The following RFFL variants were observed in gnomAD, a reference collection of about 807,000 sequenced individuals.
RFFL encodes the protein E3 ubiquitin-protein ligase rififylin.
RFFL carries 16 observed loss-of-function variants against 40.4 expected under a neutral mutation model. The ratio of observed to expected loss-of-function variants is 0.40; its 90% CI spans 0.27 to 0.60. The LOEUF (loss-of-function observed/expected upper bound fraction) is 0.60, where lower values mean the gene tolerates loss of function less well. RFFL is among the 20% of genes least tolerant of loss of function. The pLI is 0.47. For synonymous variants in RFFL, 154 were observed against 167.9 expected (o/e 0.92, Z 0.64); for missense variants, 367 against 451.7 (o/e 0.81, Z 1.70).
intron 1 of RFFL, among the ~76,000 whole-genome samples, chr17:35,045,857 G>A (rs2091196711): frequency 6.6e-6 from 1 of 151,760 alleles, no homozygotes; most frequent in Admixed American, 6.6e-5. Flanking sequence ...AACCCCATCT[G>A]TACTACAAAT....
At chr17:35,079,893 T>C (rs2091395832) in intron 1 of RFFL, among the ~76,000 whole-genome samples, 1 of 152,194 alleles carries the variant, frequency 6.6e-6, no homozygotes, top group Admixed American at 6.5e-5. Context: ...AACTCTTCCA[T>C]CAGTATATGA....
chr17:35,049,224 G>A (rs2091217956), intron 1 of RFFL, among the ~76,000 whole-genome samples: 1 of 152,070 alleles, frequency 6.6e-6, no homozygotes. Flanking sequence ...GAGATATGCT[G>A]CTACTTTACC....
intron 5 of RFFL, 76 bp downstream of exon 5, chr17:35,016,294 G>C (rs926746941): frequency 7.5e-7 from 1 of 1,326,868 alleles, no homozygotes; most frequent in African/African-American, 1.4e-5. Flanking sequence ...ATTGAGTCAG[G>C]TCAATACCAT....
intron 1 of RFFL, among the ~76,000 whole-genome samples, chr17:35,047,474 G>A (rs1034110144): frequency 1.3e-5 from 2 of 152,178 alleles, no homozygotes; most frequent in African/African-American, 4.8e-5. Context: ...AGCAAATAAT[G>A]GATGTTCAAC....
chr17:35,069,152 G>A (rs2091334516), intron 1 of RFFL: 2 of 420,300 alleles, frequency 4.8e-6, no homozygotes, highest in Admixed American at 5.2e-5. Flanking sequence ...CTTCTTTTCT[G>A]TATACCTCTG....
intron 1 of RFFL, among the ~76,000 whole-genome samples, chr17:35,068,789 A>G (rs977077959): frequency 6.6e-6 from 1 of 152,184 alleles, no homozygotes; most frequent in Non-Finnish European, 1.5e-5. Flanking sequence ...TGAGGACCCG[A>G]TGGAGGAGGA....
Position 35,087,960 on chromosome 17 carries a change from C to G in RFFL, c.-9+1145G>C, listed in dbSNP as rs149383477. Among the ~76,000 whole-genome samples, 735 of 152,290 alleles carry G rather than the reference C, an allele frequency of 4.8e-3. 10 individuals carry two copies. Among genetic ancestry groups the G allele is most frequent in the African/African-American group, 0.017 (698 of 41,550 alleles). On this transcript the variant is annotated intron_variant, in intron 1 of 6. Transcript: ENST00000315249. ...TAGAACTCTGTACACAAATTCAGCCCAGTACCTTGTCCCCTGCCTACTCCC... is the reference window on the plus strand; with the variant it reads ...TAGAACTCTGTACACAAATTCAGCCGAGTACCTTGTCCCCTGCCTACTCCC...
chr17:35,064,319 T>C (rs2091309857), upstream of RFFL, among the ~76,000 whole-genome samples: 2 of 152,060 alleles, frequency 1.3e-5, no homozygotes, highest in Admixed American at 1.3e-4. Flanking sequence ...TGCCACATTC[T>C]CTATGCTAAA....
rs1045540385 is a variant in RFFL at position 35,007,705 on chromosome 17, ACACAGCAGTCTGT to A, written c.*4250_*4262del. The A allele has an allele frequency of 6.6e-6, 1 of 151,324 alleles. No homozygotes were observed. The highest frequency in any genetic ancestry group is 1.5e-5 in the Non-Finnish European group (1 of 67,978). 9.4% of individuals were successfully genotyped at this position (151,324 alleles called of 1,614,324 possible). ...GGGAGGTTTGTACAAGCCTGCGCAC[ACACAGCAGTCTGT>A]CACGAGGCTGGGCCAACCTTTTTTT... On this transcript the variant is annotated 3_prime_UTR_variant, in exon 7 of 7. Coordinates refer to ENST00000394597, the MANE Select transcript of RFFL (RefSeq NM_001017368.2).
At chr17:35,072,214 G>A (rs1030119115) in intron 1 of RFFL, among the ~76,000 whole-genome samples, 1 of 151,180 alleles carries the variant, frequency 6.6e-6, no homozygotes, top group Admixed American at 6.6e-5. Flanking sequence ...TAGAGAGGCA[G>A]AGGTTGCAGT....
intron 1 of RFFL, among the ~76,000 whole-genome samples, chr17:35,058,835 C>T (rs1408302832): frequency 1.3e-5 from 2 of 151,916 alleles, no homozygotes; most frequent in Non-Finnish European, 2.9e-5. Context: ...GTGATTTTTA[C>T]CCTCTATCCT....
At chr17:35,044,578 C>T (rs2091186276) in intron 1 of RFFL, among the ~76,000 whole-genome samples, 1 of 152,170 alleles carries the variant, frequency 6.6e-6, no homozygotes, top group Admixed American at 6.5e-5. Context: ...TGCACCACTG[C>T]AGTCCAGCCT....
At chr17:35,026,916 C>G (rs1346648034) in intron 1 of RFFL, among the ~76,000 whole-genome samples, 1 of 152,114 alleles carries the variant, frequency 6.6e-6, no homozygotes, top group East Asian at 1.9e-4. Flanking sequence ...ATTGGCCAGG[C>G]TAGTCTCGAA....
At chr17:35,057,570 G>A (rs942871879) in intron 1 of RFFL, among the ~76,000 whole-genome samples, 4 of 150,410 alleles carry the variant, frequency 2.7e-5, no homozygotes, top group African/African-American at 9.8e-5. Flanking sequence ...TCTCCAGTCA[G>A]GTAACTCCCA....
upstream of RFFL, among the ~76,000 whole-genome samples, chr17:35,067,547 C>G (rs145660632): frequency 9.7e-4 from 146 of 151,294 alleles, 2 homozygotes; most frequent in East Asian, 0.027. Flanking sequence ...CAACCTCCAC[C>G]TCCGGGTTCA....
chr17:35,017,698 G>A, intron 3 of RFFL, 92 bp from the exon 4 acceptor site: 1 of 850,298 alleles, frequency 1.2e-6, no homozygotes, highest in South Asian at 1.4e-5. Context: ...TGTCCAGAAT[G>A]TACTCCCATC....
chr17:35,029,198 T>C (rs2091064550), intron 1 of RFFL, among the ~76,000 whole-genome samples: 1 of 151,920 alleles, frequency 6.6e-6, no homozygotes, highest in Non-Finnish European at 1.5e-5. Flanking sequence ...GTAATCTGCC[T>C]TTACTTGCAA....
rs924280827 is a variant in RFFL at position 35,045,379 on chromosome 17, C to T, written c.-9+18197G>A. Among the ~76,000 whole-genome samples, 3 of 150,920 alleles carry T rather than the reference C, an allele frequency of 2.0e-5. No individual in the cohort carries two copies. In the South Asian group the frequency reaches 6.3e-4, roughly 32 times the overall value. On this transcript the variant is annotated intron_variant, in intron 1 of 6. Transcript: ENST00000394597. Reference sequence around the variant, plus strand: ...TCCTGAGTAGCTGGGATTACAGGCACGTGCCACCATGCCTGGCTAATTTTT... The same window carrying T: ...TCCTGAGTAGCTGGGATTACAGGCATGTGCCACCATGCCTGGCTAATTTTT...
At position 35,007,004 on chromosome 17, in the gene RFFL, C is replaced by T. The variant is rs1458016691; in HGVS notation, c.*4964G>A. Reference sequence around the variant, plus strand: ...GGAATAAGATACTTTTTATTCCATCCTCTATGGAGACAAAAAGCTGCTCCT... The same window carrying T: ...GGAATAAGATACTTTTTATTCCATCTTCTATGGAGACAAAAAGCTGCTCCT... On this transcript the variant is annotated 3_prime_UTR_variant, in exon 7 of 7. Coordinates refer to ENST00000394597, the MANE Select transcript of RFFL (RefSeq NM_001017368.2). 1 of 152,230 alleles carries T rather than the reference C, an allele frequency of 6.6e-6. No homozygotes were observed. Among genetic ancestry groups the T allele is most frequent in the Non-Finnish European group, 1.5e-5 (1 of 68,054 alleles). The allele number at this position is 152,230 out of a possible 1,614,324, so 9.4% of individuals were successfully genotyped here. A position where few individuals can be genotyped will look rare whatever the true frequency, so the allele number is the denominator to read the frequency against.
Sources: gnomAD v4.1 joint callset for allele counts (sites outside exome capture counted in the v4.1 genomes callset) on GRCh38, gnomAD v4.1.1 for gene constraint, MANE v1.5 for transcripts, NCBI Gene and HGNC (gene_info 2026-07-23, HGNC 2026-07-21) for gene names.